ADGRL2: variants seen among roughly 807,000 people sequenced by gnomAD.
ADGRL2 encodes the protein adhesion G protein-coupled receptor L2, also known as calcium-independent alpha-latrotoxin receptor 2.
A neutral mutation model predicts 157.4 loss-of-function variants in ADGRL2; 44 were observed. That is an observed-to-expected ratio of 0.28 (90% CI 0.22 to 0.36). The LOEUF is 0.36. Ranked by LOEUF, ADGRL2 falls within the 10% of genes least tolerant of loss-of-function variation. The pLI is 1.00. For missense variants in ADGRL2, 1,510 were observed against 1,768.9 expected, an observed-to-expected ratio of 0.85 and a Z score of 2.63; for synonymous variants, 585 against 624.7, an observed-to-expected ratio of 0.94 and a Z score of 0.95.
chr1:81,814,881 A>G (rs2090234628), intron 1 of ADGRL2, among the ~76,000 whole-genome samples: 1 of 151,750 alleles, frequency 6.6e-6, no homozygotes, highest in Non-Finnish European at 1.5e-5. Context: ...TTATTTTAAA[A>G]TGAGAATAAA....
intron 2 of ADGRL2, among the ~76,000 whole-genome samples, chr1:81,904,319 G>T (rs1444326491): frequency 6.6e-6 from 1 of 152,082 alleles, no homozygotes; most frequent in African/African-American, 2.4e-5. Context: ...GTAAGAGAAA[G>T]AATTTAGAAA....
intron 1 of ADGRL2, among the ~76,000 whole-genome samples, chr1:81,399,959 T>C (rs1388943151): frequency 2.6e-5 from 4 of 151,530 alleles, no homozygotes; most frequent in African/African-American, 4.8e-5. Flanking sequence ...TGACTTTCAC[T>C]TGCAGTTAGG....
intron 3 of ADGRL2, among the ~76,000 whole-genome samples, chr1:81,601,134 C>T (rs1310576266): frequency 6.6e-6 from 1 of 152,230 alleles, no homozygotes; most frequent in Non-Finnish European, 1.5e-5. Context: ...AACCTCAACA[C>T]ATTGAAGACC....
chr1:81,396,565 T>C (rs1180547513), intron 1 of ADGRL2, among the ~76,000 whole-genome samples: 1 of 152,158 alleles, frequency 6.6e-6, no homozygotes, highest in African/African-American at 2.4e-5. Context: ...TGGGCATCCT[T>C]GTCATGTTCA....
At chr1:81,933,619 C>T (rs1046604087) in intron 3 of ADGRL2, among the ~76,000 whole-genome samples, 5 of 152,176 alleles carry the variant, frequency 3.3e-5, no homozygotes, top group Non-Finnish European at 7.3e-5. Context: ...TAGCAATTTA[C>T]ACTTTTATAA....
chr1:81,931,130 C>T (rs2095222050), intron 3 of ADGRL2, among the ~76,000 whole-genome samples: 1 of 152,122 alleles, frequency 6.6e-6, no homozygotes, highest in Non-Finnish European at 1.5e-5. Context: ...GCCTGGGCAA[C>T]AGAGCGAGGC....
At chr1:81,611,888 G>A (rs1310750751) in intron 3 of ADGRL2, among the ~76,000 whole-genome samples, 1 of 152,028 alleles carries the variant, frequency 6.6e-6, no homozygotes, top group Non-Finnish European at 1.5e-5. Flanking sequence ...GTGCTGGTGA[G>A]GGAGTTCTCA....
At chr1:81,872,230 A>T (rs1167445075) in intron 2 of ADGRL2, among the ~76,000 whole-genome samples, 13 of 152,174 alleles carry the variant, frequency 8.5e-5, no homozygotes, top group Admixed American at 8.5e-4. Context: ...TTTGTCAAAG[A>T]TCAGATGGTT....
chr1:81,768,609 G>T lies in ADGRL2; in HGVS notation c.-101+6757G>T, dbSNP rs187964006. On this transcript the variant is annotated intron_variant, in intron 2 of 20. Transcript: ENST00000359929. ...TGGCCTCAGCCTCCCAACTGGCTGGGATTACAGGTGCATACCACATGCCCA... is the reference window on the plus strand; with the variant it reads ...TGGCCTCAGCCTCCCAACTGGCTGGTATTACAGGTGCATACCACATGCCCA... 3.3e-5 allele frequency among the ~76,000 whole-genome samples: 5 copies of T among 151,960 alleles called. 1 individual carries two copies. The East Asian group carries it at 9.7e-4, about 30-fold the overall frequency.
In ADGRL2 at chr1:81,523,604, C is replaced by T. The variant is rs574285675; in HGVS notation, c.-247-57272C>T. Among the ~76,000 whole-genome samples, 6 of 152,274 alleles carry T rather than the reference C, an allele frequency of 3.9e-5. No homozygotes were observed. The South Asian group carries it at 1.2e-3, about 32-fold the overall frequency. ...AAAACAAAAAATGGTTGATCTCACT[C>T]ATAATCTGAAAAATACAAATCGAAA... On this transcript the variant is annotated intron_variant, in intron 2 of 24. Coordinates refer to the ADGRL2 transcript ENST00000370721.
At chr1:81,780,048 T>C (rs2086750671) in intron 2 of ADGRL2, among the ~76,000 whole-genome samples, 1 of 152,190 alleles carries the variant, frequency 6.6e-6, no homozygotes, top group Non-Finnish European at 1.5e-5. Flanking sequence ...GACCAGAAAG[T>C]CTGTAGTGCA....
intron 1 of ADGRL2, among the ~76,000 whole-genome samples, chr1:81,703,047 G>A (rs1050848011): frequency 1.3e-5 from 2 of 152,294 alleles, no homozygotes; most frequent in Non-Finnish European, 2.9e-5. Context: ...GGTCAATCGC[G>A]CTGATTAATA....
At chr1:81,646,383 C>T (rs995512457) in intron 3 of ADGRL2, among the ~76,000 whole-genome samples, 2 of 152,158 alleles carry the variant, frequency 1.3e-5, no homozygotes, top group Non-Finnish European at 2.9e-5. Flanking sequence ...AGGCCCTGGT[C>T]ACGATCCACT....
At chr1:81,387,665 T>C (rs1159779352) in intron 1 of ADGRL2, among the ~76,000 whole-genome samples, 1 of 152,140 alleles carries the variant, frequency 6.6e-6, no homozygotes, top group Non-Finnish European at 1.5e-5. Flanking sequence ...ATCAACCAAT[T>C]GTTAGATGAT....
intron 2 of ADGRL2, chr1:81,503,103 G>A: frequency 6.2e-7 from 1 of 1,611,856 alleles, no homozygotes; most frequent in Non-Finnish European, 8.5e-7. Flanking sequence ...AGAAGGCGTC[G>A]AGGCTGTCTG....
chr1:81,599,031 A>G (rs1043834847), intron 3 of ADGRL2, among the ~76,000 whole-genome samples: 1 of 152,206 alleles, frequency 6.6e-6, no homozygotes, highest in African/African-American at 2.4e-5. Flanking sequence ...CAATGATTCT[A>G]TCTAATCAGC....
At chr1:81,595,377 A>G (rs890441171) in intron 3 of ADGRL2, among the ~76,000 whole-genome samples, 2 of 152,216 alleles carry the variant, frequency 1.3e-5, no homozygotes, top group African/African-American at 4.8e-5. Context: ...GATTGTGAAC[A>G]ATGTGCCTAT....
intron 3 of ADGRL2, among the ~76,000 whole-genome samples, chr1:81,639,067 T>C (rs886231845): frequency 6.6e-6 from 1 of 152,122 alleles, no homozygotes; most frequent in Non-Finnish European, 1.5e-5. Flanking sequence ...GTTACTTCTT[T>C]TATTGTTGTT....
intron 2 of ADGRL2, among the ~76,000 whole-genome samples, chr1:81,862,204 A>T (rs1375864016): frequency 6.6e-6 from 1 of 152,128 alleles, no homozygotes; most frequent in Non-Finnish European, 1.5e-5. Context: ...AAAAGAGACT[A>T]AGATGGATGA....
Sources: allele counts gnomAD v4.1 joint callset (sites outside exome capture counted in the v4.1 genomes callset), GRCh38; gene constraint gnomAD v4.1.1; transcripts MANE v1.5; gene names NCBI Gene and HGNC (gene_info 2026-07-23, HGNC 2026-07-21).